The following CELF2 variants were observed in gnomAD, a reference collection of about 807,000 sequenced individuals.
CELF2 encodes CUG triplet repeat RNA-binding protein 2.
CELF2 carries 8 observed loss-of-function variants against 62.6 expected under a neutral mutation model. That is an observed-to-expected ratio of 0.13 (90% CI 0.07 to 0.23). CELF2 has a LOEUF of 0.23. Among genes scored for constraint, CELF2 ranks in the 10% least tolerant of loss-of-function variants. CELF2 has a pLI of 1.00. For synonymous variants in CELF2, 258 were observed against 250.0 expected, an observed-to-expected ratio of 1.03 and a Z score of -0.30; for missense variants, 333 against 671.0, an observed-to-expected ratio of 0.50 and a Z score of 5.56.
intron 1 of CELF2, among the ~76,000 whole-genome samples, chr10:11,081,304 G>A (rs1405539350): frequency 6.6e-6 from 1 of 152,164 alleles, no homozygotes; most frequent in Non-Finnish European, 1.5e-5. Flanking sequence ...CCTAGGGGGA[G>A]GAAGAAAGAA....
Position 10,817,873 on chromosome 10 carries a change from G to T in CELF2, c.53+19056G>T, listed in dbSNP as rs565538956. ...TTGCTTGATTTAATTTGTGTTTGAG[G>T]CCCAGTGTATAGTAAGACAGTAGAC... On this transcript the variant is annotated intron_variant, in intron 1 of 13. Coordinates refer to the CELF2 transcript ENST00000636488. Among the ~76,000 whole-genome samples, 10 of 152,204 alleles carry T rather than the reference G, an allele frequency of 6.6e-5. No homozygotes were observed. The South Asian group carries it at 2.1e-3, about 32-fold the overall frequency.
intron 3 of CELF2, among the ~76,000 whole-genome samples, chr10:11,232,038 A>T (rs561849375): frequency 2.6e-5 from 4 of 152,168 alleles, no homozygotes; most frequent in African/African-American, 4.8e-5. Context: ...CATGTGCACA[A>T]CGTGCAGGTT....
At chr10:11,204,231 T>A (rs1432892395) in intron 2 of CELF2, among the ~76,000 whole-genome samples, 1 of 152,224 alleles carries the variant, frequency 6.6e-6, no homozygotes, top group Non-Finnish European at 1.5e-5. Context: ...TTGTGCCAGA[T>A]TCTGGGCTTG....
chr10:10,816,688 G>A (rs1253175095), intron 1 of CELF2, among the ~76,000 whole-genome samples: 1 of 152,150 alleles, frequency 6.6e-6, no homozygotes, highest in African/African-American at 2.4e-5. Flanking sequence ...AACAAACTTA[G>A]TATTACTCAA....
intron 3 of CELF2, among the ~76,000 whole-genome samples, chr10:11,245,860 C>G (rs1485480953): frequency 1.3e-5 from 2 of 152,148 alleles, no homozygotes; most frequent in African/African-American, 4.8e-5. Flanking sequence ...CTCATATGGC[C>G]AAGTCCCACA....
At chr10:10,658,692 C>T in the CELF2 span, among the ~76,000 whole-genome samples, 1 of 152,158 alleles carries the variant, frequency 6.6e-6, no homozygotes, top group Non-Finnish European at 1.5e-5. Context: ...TAATAAAATA[C>T]ATTCTATCTT....
chr10:10,673,717 C>T, the CELF2 span, among the ~76,000 whole-genome samples: 1 of 152,176 alleles, frequency 6.6e-6, no homozygotes, highest in Non-Finnish European at 1.5e-5. Context: ...GCATCCCACA[C>T]ATTTTGATAA....
rs541240064 is a variant in CELF2, at chr10:10,983,194, A to T, written c.89+63195A>T. 1.3e-5 allele frequency among the ~76,000 whole-genome samples: 2 copies of T among 152,312 alleles called. No homozygotes were observed. Among genetic ancestry groups the T allele is most frequent in the East Asian group, 3.9e-4 (2 of 5,188 alleles). On this transcript the variant is annotated intron_variant, in intron 2 of 13. Coordinates refer to the CELF2 transcript ENST00000636488. The surrounding 1 kb of genome is among the most constrained non-coding windows in gnomAD (Gnocchi z 5.2). ...AGACACATAGGTTTATACAAGATGA[A>T]AATATTAGATAAAAAGTGATACATC...
intron 1 of CELF2, among the ~76,000 whole-genome samples, chr10:10,897,356 T>A (rs902919004): frequency 4.6e-5 from 7 of 152,176 alleles, no homozygotes; most frequent in Non-Finnish European, 1.0e-4. Flanking sequence ...AAAGTAGAAA[T>A]TGTAGCAACA....
At chr10:11,041,084 C>G (rs907556686) in intron 1 of CELF2, among the ~76,000 whole-genome samples, 1 of 152,194 alleles carries the variant, frequency 6.6e-6, no homozygotes, top group Non-Finnish European at 1.5e-5. Context: ...GGGCTCTCTT[C>G]CTGGCTTGCA....
At chr10:10,474,514 A>C in the CELF2 span, among the ~76,000 whole-genome samples, 1 of 152,134 alleles carries the variant, frequency 6.6e-6, no homozygotes. Flanking sequence ...GCAGCAATAC[A>C]CAATCTATAA....
At chr10:10,848,226 T>C (rs534492584) in intron 1 of CELF2, among the ~76,000 whole-genome samples, 1 of 152,338 alleles carries the variant, frequency 6.6e-6, no homozygotes, top group East Asian at 1.9e-4. Context: ...TACCCCTTTA[T>C]TGCAATAAAA....
chr10:10,756,202 A>G, the CELF2 span, among the ~76,000 whole-genome samples: 1 of 152,172 alleles, frequency 6.6e-6, no homozygotes, highest in Non-Finnish European at 1.5e-5. Context: ...ATTTCTATAT[A>G]TTTTCCTTTG....
At position 11,325,823 on chromosome 10, in the gene CELF2, T is replaced by A; in HGVS notation, c.1295-13T>A. Reference sequence around the variant, plus strand: ...AAGGGATACCTTACTCTGACTTTTTTTTTCCTCCTTAGGTCCAGAGGGGGC... The same window carrying A: ...AAGGGATACCTTACTCTGACTTTTTATTTCCTCCTTAGGTCCAGAGGGGGC... On this transcript the variant is annotated splice_polypyrimidine_tract_variant and intron_variant, in intron 11 of 12. Coordinates refer to ENST00000633077, the MANE Select transcript of CELF2 (RefSeq NM_001326342.2). The A allele has an allele frequency of 3.8e-6, 6 of 1,599,132 alleles. No homozygotes were observed. The highest frequency in any genetic ancestry group is 5.1e-6 in the Non-Finnish European group (6 of 1,175,424).
At chr10:11,174,664 A>G (rs985209559) in intron 2 of CELF2, among the ~76,000 whole-genome samples, 12 of 152,380 alleles carry the variant, frequency 7.9e-5, no homozygotes, top group Non-Finnish European at 8.8e-5. Flanking sequence ...ATTATAAAAT[A>G]TGTTGGGCTT....
intron 1 of CELF2, among the ~76,000 whole-genome samples, chr10:11,162,482 A>G (rs111781784): frequency 2.6e-5 from 4 of 152,200 alleles, no homozygotes; most frequent in African/African-American, 9.6e-5. Flanking sequence ...TTTGGCAAGG[A>G]TGTAGATAGA....
chr10:10,883,883 C>T (rs1200351539), intron 1 of CELF2, among the ~76,000 whole-genome samples: 1 of 151,574 alleles, frequency 6.6e-6, no homozygotes, highest in Non-Finnish European at 1.5e-5. Context: ...CTTCCTCCTC[C>T]TCCTCCTCCT....
rs1446408601 is a variant in CELF2, at chr10:11,306,388, T to C, written c.977-7751T>C. Among the ~76,000 whole-genome samples, 1 of 152,116 alleles carries C rather than the reference T, an allele frequency of 6.6e-6. No homozygotes were observed. The highest frequency in any genetic ancestry group is 1.5e-5 in the Non-Finnish European group (1 of 68,018). The stretch of plus-strand genomic sequence containing the variant: ...GCAGATGGTTGTCCGAGGCAGCATC[T>C]TGCCAGCCTGCCAGCACAGAAATGG... On this transcript the variant is annotated intron_variant, in intron 9 of 12. Transcript: ENST00000633077. The surrounding 1 kb of genome is among the most constrained non-coding windows in gnomAD (Gnocchi z 4.4).
the CELF2 span, among the ~76,000 whole-genome samples, chr10:10,644,153 G>C: frequency 5.3e-5 from 8 of 152,156 alleles, no homozygotes; most frequent in East Asian, 1.9e-4. Context: ...CATGTCTCCT[G>C]TCTGCTGCCA....
Sources: allele counts gnomAD v4.1 joint callset (sites outside exome capture counted in the v4.1 genomes callset), GRCh38; gene constraint gnomAD v4.1.1; non-coding constraint Gnocchi (gnomAD v3.1); transcripts MANE v1.5; gene names NCBI Gene and HGNC (gene_info 2026-07-23, HGNC 2026-07-21).